The following SAMD5 variants were observed in gnomAD, a reference collection of about 807,000 sequenced individuals.
SAMD5 encodes sterile alpha motif domain-containing protein 5.
Under a neutral mutation model 11.3 loss-of-function variants are expected in SAMD5, and 13 were observed. That is an observed-to-expected ratio of 1.15 (90% CI 0.75 to 1.83). SAMD5 has a LOEUF of 1.83. Among genes scored for constraint, SAMD5 ranks in the 40% most tolerant of loss-of-function variants. The pLI is 0.00. For synonymous variants in SAMD5, 129 were observed against 111.3 expected (o/e 1.16, Z -1.00); for missense variants, 255 against 239.1 (o/e 1.07, Z -0.44).
At chr6:147,781,283 G>A in the SAMD5 span, among the ~76,000 whole-genome samples, 1 of 151,390 alleles carries the variant, frequency 6.6e-6, no homozygotes, top group South Asian at 2.1e-4. Flanking sequence ...AGCCTTCTGA[G>A]TAGCTGGAAC....
At chr6:147,740,306 G>C (rs942924898), downstream of SAMD5, among the ~76,000 whole-genome samples, 3 of 152,012 alleles carry the variant, frequency 2.0e-5, no homozygotes, top group African/African-American at 4.8e-5. Context: ...AAATATCTGG[G>C]GGTGAGAGCT....
the SAMD5 span, among the ~76,000 whole-genome samples, chr6:147,859,048 G>A: frequency 1.3e-5 from 2 of 152,102 alleles, no homozygotes; most frequent in Non-Finnish European, 2.9e-5. Flanking sequence ...TTTCACTAGG[G>A]GCCAGGGAGG....
the SAMD5 span, among the ~76,000 whole-genome samples, chr6:147,877,936 T>TTTTTTTTTTTTTTTTG: frequency 2.4e-5 from 2 of 83,898 alleles, no homozygotes; most frequent in African/African-American, 3.7e-5. Context: ...GATAGATAGA[T>TTTTTTTTTTTTTTTTG]AGATAGATAG....
chr6:147,873,276 C>T, the SAMD5 span, among the ~76,000 whole-genome samples: 1 of 151,622 alleles, frequency 6.6e-6, no homozygotes, highest in African/African-American at 2.4e-5. Flanking sequence ...ACTCGGGAGG[C>T]TGAGGCAGGA....
At chr6:147,602,835 T>C (rs1005662743) in intron 1 of SAMD5, among the ~76,000 whole-genome samples, 3 of 151,654 alleles carry the variant, frequency 2.0e-5, no homozygotes, top group Admixed American at 6.6e-5. Flanking sequence ...GAAAAATTAA[T>C]AGATAATTAA....
the SAMD5 span, among the ~76,000 whole-genome samples, chr6:147,934,868 G>A: frequency 3.9e-5 from 6 of 152,092 alleles, no homozygotes; most frequent in African/African-American, 1.2e-4. Flanking sequence ...GTCAGCTTTT[G>A]AGTCAGTGAG....
At chr6:147,649,158 T>G (rs139246013) in intron 1 of SAMD5, among the ~76,000 whole-genome samples, 91 of 152,314 alleles carry the variant, frequency 6.0e-4, no homozygotes, top group African/African-American at 2.1e-3. Context: ...GGCAGCAGCT[T>G]CTACCCAAAT....
At chr6:147,522,680 A>G (rs1262610374) in intron 1 of SAMD5, among the ~76,000 whole-genome samples, 1 of 152,308 alleles carries the variant, frequency 6.6e-6, no homozygotes, top group African/African-American at 2.4e-5. Flanking sequence ...AATGTTTGAC[A>G]TTTACCTTCA....
At position 147,565,020 on chromosome 6, in the gene SAMD5, A is replaced by G. The variant is rs180777614; in HGVS notation, c.*564A>G. 7.3e-4 allele frequency: 681 copies of G among 930,522 alleles called. 4 individuals are homozygous for G. The African/African-American group carries it at 0.011, about 15-fold the overall frequency. The allele number at this position is 930,522 out of a possible 1,614,324, so 57.6% of individuals were successfully genotyped here. A position where few individuals can be genotyped will look rare whatever the true frequency, so the allele number is the denominator to read the frequency against. On this transcript the variant is annotated 3_prime_UTR_variant, in exon 2 of 2. Coordinates refer to ENST00000367474, the MANE Select transcript of SAMD5 (RefSeq NM_001030060.3). Reference sequence around the variant, plus strand: ...AATTCTTATTTTAAGGTGCTTTTATATAGTTATTTTGTATATTGGTACAAT... The same window carrying G: ...AATTCTTATTTTAAGGTGCTTTTATGTAGTTATTTTGTATATTGGTACAAT...
intron 1 of SAMD5, chr6:147,730,119 G>C: frequency 2.3e-6 from 1 of 436,268 alleles, no homozygotes; most frequent in South Asian, 1.7e-5. Flanking sequence ...AAGGAAATGG[G>C]TAGGGCTACA....
At chr6:147,746,533 C>T in the SAMD5 span, among the ~76,000 whole-genome samples, 2 of 151,984 alleles carry the variant, frequency 1.3e-5, no homozygotes, top group Non-Finnish European at 2.9e-5. Context: ...ACTAGAAATG[C>T]CAAAATAATT....
At chr6:147,700,047 C>T (rs1233174747) in intron 1 of SAMD5, among the ~76,000 whole-genome samples, 2 of 152,110 alleles carry the variant, frequency 1.3e-5, no homozygotes, top group Non-Finnish European at 2.9e-5. Flanking sequence ...GGGAGGAAAT[C>T]GAAGGCCTCA....
At chr6:147,883,750 TGCTGG>T in the SAMD5 span, among the ~76,000 whole-genome samples, 60 of 152,340 alleles carry the variant, frequency 3.9e-4, 3 homozygotes, top group South Asian at 0.012. Flanking sequence ...ATTAATCAGT[TGCTGG>T]GCTGGAGACA....
At chr6:147,765,131 C>G in the SAMD5 span, among the ~76,000 whole-genome samples, 2 of 152,152 alleles carry the variant, frequency 1.3e-5, no homozygotes, top group Admixed American at 1.3e-4. Context: ...TATTTAAGAA[C>G]ACATTTTAAA....
chr6:147,774,471 C>T, the SAMD5 span, among the ~76,000 whole-genome samples: 1 of 152,084 alleles, frequency 6.6e-6, no homozygotes. Flanking sequence ...TTTCATATAA[C>T]CTACGCATAT....
chr6:147,780,427 C>T, the SAMD5 span, among the ~76,000 whole-genome samples: 2 of 152,078 alleles, frequency 1.3e-5, no homozygotes, highest in Non-Finnish European at 2.9e-5. Context: ...AGGCTGGTCT[C>T]GAATTCCTGA....
At chr6:147,754,096 T>TCA in the SAMD5 span, among the ~76,000 whole-genome samples, 1 of 152,154 alleles carries the variant, frequency 6.6e-6, no homozygotes, top group African/African-American at 2.4e-5. Flanking sequence ...ATATGGTAGC[T>TCA]CAGTATTCAG....
At chr6:147,527,144 A>G (rs888592932) in intron 1 of SAMD5, among the ~76,000 whole-genome samples, 1 of 152,196 alleles carries the variant, frequency 6.6e-6, no homozygotes, top group African/African-American at 2.4e-5. Flanking sequence ...TCATTGATCA[A>G]AGGCACATAA....
At chr6:147,651,022 T>C (rs749382603) in intron 1 of SAMD5, among the ~76,000 whole-genome samples, 1 of 152,184 alleles carries the variant, frequency 6.6e-6, no homozygotes, top group Non-Finnish European at 1.5e-5. Flanking sequence ...GTTGAATAAA[T>C]GGTAGCTAAA....
Sources: allele counts gnomAD v4.1 joint callset (sites outside exome capture counted in the v4.1 genomes callset), GRCh38; gene constraint gnomAD v4.1.1; transcripts MANE v1.5; gene names NCBI Gene and HGNC (gene_info 2026-07-23, HGNC 2026-07-21).